ZNF23: variants seen among roughly 807,000 people sequenced by gnomAD.
ZNF23 encodes zinc finger protein 23.
A neutral mutation model predicts 56.2 loss-of-function variants in ZNF23; 48 were observed. The ratio of observed to expected loss-of-function variants is 0.85; its 90% CI spans 0.68 to 1.09. ZNF23 has a LOEUF of 1.09. Ranked by LOEUF, ZNF23 falls within the 50% of genes least tolerant of loss-of-function variation. ZNF23 has a pLI of 0.00. For missense variants in ZNF23, 805 were observed against 811.4 expected, an observed-to-expected ratio of 0.99 and a Z score of 0.10; for synonymous variants, 266 against 283.3, an observed-to-expected ratio of 0.94 and a Z score of 0.61.
chr16:71,452,616 T>C (rs2043094614), intron 4 of ZNF23: 1 of 152,266 alleles, frequency 6.6e-6, no homozygotes, highest in African/African-American at 2.4e-5. Flanking sequence ...CCTTCCACAT[T>C]ACCTTCCCTG....
At chr16:71,449,910 T>C in intron 4 of ZNF23, 25 bp from the exon 5 acceptor site, 1 of 1,535,690 alleles carries the variant, frequency 6.5e-7, no homozygotes, top group East Asian at 2.2e-5. Flanking sequence ...AAACATAAAA[T>C]GTCATGTAAG....
chr16:71,453,707 A>G (rs2043130744), intron 3 of ZNF23: 1 of 504,878 alleles, frequency 2.0e-6, no homozygotes. Flanking sequence ...TCCAGAGTAC[A>G]CTGAGATCCT....
rs777087358 is a variant in ZNF23, at chr16:71,449,766, C to G, written c.388G>C (p.Glu130Gln). Residue 130 changes from glutamate (E) to glutamine (Q), a missense_variant, in exon 5 of 5, where the codon GAG (glutamate) becomes CAG (glutamine). Physicochemically the swap from Glu to Gln is conservative, Grantham distance 29. Transcript: ENST00000647773. ...GCTGAGTGGACTTCCTGTTGTTTCT[C>G]TAGAAGAGAGGCTTCTGAAAAGTCT... ...ETDFSEASLL[E>Q]KQQEVHSAGN... The G allele has an allele frequency of 1.5e-5, 25 of 1,614,010 alleles. No homozygotes were observed. Among genetic ancestry groups the G allele is most frequent in the South Asian group, 3.3e-5 (3 of 91,080 alleles).
At chr16:71,460,023 C>T (rs1480657903) in intron 1 of ZNF23, among the ~76,000 whole-genome samples, 1 of 152,196 alleles carries the variant, frequency 6.6e-6, no homozygotes, top group East Asian at 1.9e-4. Flanking sequence ...ACCTTGAAGA[C>T]CGGGCAGTGA....
chr16:71,454,339 G>A (rs2043152478), intron 2 of ZNF23, 171 bp from the exon 3 acceptor site: 2 of 849,668 alleles, frequency 2.4e-6, no homozygotes, highest in Admixed American at 3.3e-5. Context: ...AAACTACAAA[G>A]TATCCACATT....
Position 71,457,091 on chromosome 16 carries a change from A to T in ZNF23, c.-32-263T>A, listed in dbSNP as rs180999121. Among the ~76,000 whole-genome samples, 182 of 152,306 alleles carry T rather than the reference A, an allele frequency of 1.2e-3. 2 individuals are homozygous for T. The East Asian group carries it at 0.031, about 26-fold the overall frequency. ...ACTGAAGAGTATATATATAAAATTTAAAAATAAACAAATAAAAATTAAAAA... is the reference window on the plus strand; with the variant it reads ...ACTGAAGAGTATATATATAAAATTTTAAAATAAACAAATAAAAATTAAAAA... On this transcript the variant is annotated intron_variant, in intron 1 of 4. Coordinates refer to ENST00000647773, the MANE Select transcript of ZNF23 (RefSeq NM_001381984.1).
intron 3 of ZNF23, 155 bp downstream of exon 3, chr16:71,453,887 C>A (rs2043135979): frequency 2.2e-6 from 2 of 897,466 alleles, no homozygotes; most frequent in African/African-American, 1.7e-5. Context: ...TTGGCATTTG[C>A]CCCTGCCAGT....
Position 71,448,839 on chromosome 16 carries a change from C to G in ZNF23, c.1315G>C (p.Glu439Gln). Residue 439 changes from glutamate to glutamine, a missense_variant, in exon 5 of 5, where the codon GAA becomes CAA. Coordinates refer to ENST00000647773, the MANE Select transcript of ZNF23 (RefSeq NM_001381984.1). ...TTGACACTGAAGGCTTTTCCACATT[C>G]AGTGCATTCATAGGGTTTCTCACCT... ...HTGEKPYECT[E>Q]CGKAFSVKGK... 1 of 1,614,224 alleles carries G rather than the reference C, an allele frequency of 6.2e-7. No homozygotes were observed. Among genetic ancestry groups the G allele is most frequent in the Non-Finnish European group, 8.5e-7 (1 of 1,180,036 alleles).
chr16:71,461,959 C>G (rs2043475657), intron 1 of ZNF23: 1 of 152,298 alleles, frequency 6.6e-6, no homozygotes, highest in Admixed American at 6.5e-5. Context: ...CTCAGGGCCT[C>G]GTGGCTGGGA....
intron 3 of ZNF23, 28 bp downstream of exon 3, chr16:71,454,014 C>A: frequency 6.2e-7 from 1 of 1,613,826 alleles, no homozygotes; most frequent in Non-Finnish European, 8.5e-7. Flanking sequence ...TTGGCAGATT[C>A]CAGGTTCCCA....
chr16:71,461,773 A>T (rs2145151149), intron 1 of ZNF23: 2 of 152,260 alleles, frequency 1.3e-5, no homozygotes, highest in Admixed American at 1.3e-4. Flanking sequence ...TCATGACCCT[A>T]TGTCAGGAGC....
chr16:71,450,561 C>T (rs947742499), intron 4 of ZNF23: 7 of 326,696 alleles, frequency 2.1e-5, no homozygotes, highest in Non-Finnish European at 4.3e-5. Context: ...TCTACTAAAC[C>T]ACAAAAAATT....
chr16:71,450,447 G>A (rs561032283), intron 4 of ZNF23: 13 of 223,586 alleles, frequency 5.8e-5, no homozygotes, highest in East Asian at 3.3e-4. Context: ...AGCTGGGCAC[G>A]GTAGCTCACA....
chr16:71,453,267 T>G lies in ZNF23; in HGVS notation c.244A>C (p.Thr82Pro). Reference sequence around the variant, plus strand: ...CCAGTCTGGAGGCCCTGGAGGCCTGTTCCTGCAGCCAGTGGAGATGAGCCC... The same window carrying G: ...CCAGTCTGGAGGCCCTGGAGGCCTGGTCCTGCAGCCAGTGGAGATGAGCCC... The part of the protein sequence containing the change: ...LGGSSPLAAG[T>P]GLQGLQTVDI... The change falls in exon 4 of 5, where the codon ACA (threonine) becomes CCA (proline). Residue 82 changes from threonine (T) to proline (P), a missense_variant. Coordinates refer to ENST00000647773, the MANE Select transcript of ZNF23 (RefSeq NM_001381984.1). 2 of 1,608,890 alleles carry G rather than the reference T, an allele frequency of 1.2e-6. No homozygotes were observed. The highest frequency in any genetic ancestry group is 2.2e-5 in the South Asian group (2 of 89,650).
intron 1 of ZNF23, chr16:71,461,737 G>C (rs1401783999): frequency 6.6e-6 from 1 of 152,192 alleles, no homozygotes; most frequent in Non-Finnish European, 1.5e-5. Flanking sequence ...ACTGGGAGGG[G>C]CTCTGCGCTC....
chr16:71,448,631 C>T lies in ZNF23; in HGVS notation c.1523G>A (p.Arg508Gln), dbSNP rs146081862. Reference protein sequence around the residue: ...KAFSVNGKLMRHQRIHTGEKP... With the variant: ...KAFSVNGKLMQHQRIHTGEKP... Reference sequence around the variant, plus strand: ...CTCCCCAGTGTGAATTCTCTGATGCCGCATTAGTTTCCCATTAACGCTGAA... The same window carrying T: ...CTCCCCAGTGTGAATTCTCTGATGCTGCATTAGTTTCCCATTAACGCTGAA... Residue 508 changes from arginine (R) to glutamine (Q), a missense_variant, in exon 5 of 5, where the codon CGG (arginine) becomes CAG (glutamine). Coordinates refer to ENST00000647773, the MANE Select transcript of ZNF23 (RefSeq NM_001381984.1). 71 of 1,613,628 alleles carry T rather than the reference C, an allele frequency of 4.4e-5. No individual in the cohort carries two copies. Among genetic ancestry groups the T allele is most frequent in the South Asian group, 8.8e-5 (8 of 91,058 alleles).
intron 4 of ZNF23, 146 bp from the exon 5 acceptor site, chr16:71,450,031 G>C (rs986793014): frequency 4.1e-5 from 23 of 556,136 alleles, no homozygotes; most frequent in African/African-American, 4.0e-4. Context: ...CCATAAGGTG[G>C]GATAAGTAAT....
At position 71,448,550 on chromosome 16, in the gene ZNF23, A is replaced by T; in HGVS notation, c.1604T>A (p.Leu535His). 2 of 1,613,972 alleles carry T rather than the reference A, an allele frequency of 1.2e-6. No individual in the cohort carries two copies. The highest frequency in any genetic ancestry group is 1.3e-5 in the African/African-American group (1 of 74,956). Residue 535 changes from leucine to histidine, a missense_variant, in exon 5 of 5, where the codon CTT (leucine) becomes CAT (histidine). Coordinates refer to ENST00000647773, the MANE Select transcript of ZNF23 (RefSeq NM_001381984.1). ...TCCAGTATGGATTCGGTGATGATCA[A>T]GTAGGTTTCTTTTAGAAGTAAAGCA... Reference protein sequence around the residue: ...GRCFTSKRNLLDHHRIHTGEK... With the variant: ...GRCFTSKRNLHDHHRIHTGEK...
chr16:71,449,516 C>T lies in ZNF23; in HGVS notation c.638G>A (p.Cys213Tyr), dbSNP rs375325172. ...CCTAAAGGGCTCTACTAATTCTTCA[C>T]ATTTGAAAGGTCTTTCCTCAGAATT... ...IINSEERPFK[C>Y]EELVEPFRCD... Residue 213 changes from cysteine (C) to tyrosine (Y), a missense_variant, in exon 5 of 5, where the codon TGT (cysteine) becomes TAT (tyrosine). Transcript: ENST00000647773. 17 of 1,614,156 alleles carry T rather than the reference C, an allele frequency of 1.1e-5. No homozygotes were observed. The highest frequency in any genetic ancestry group is 1.4e-5 in the Non-Finnish European group (16 of 1,180,042).
Sources: gnomAD v4.1 joint callset for allele counts (sites outside exome capture counted in the v4.1 genomes callset) on GRCh38, gnomAD v4.1.1 for gene constraint, MANE v1.5 for transcripts, NCBI Gene and HGNC (gene_info 2026-07-23, HGNC 2026-07-21) for gene names.